Variants in ENPP6 observed in about 807,000 individuals in gnomAD.
ENPP6 encodes ectonucleotide pyrophosphatase/phosphodiesterase 6.
Under a neutral mutation model 42.0 loss-of-function variants are expected in ENPP6, and 32 were observed. The observed-to-expected ratio is 0.76, with a 90% CI of 0.58 to 1.02. The LOEUF (loss-of-function observed/expected upper bound fraction) is 1.02. Among genes scored for constraint, ENPP6 ranks in the 50% least tolerant of loss-of-function variants. The pLI, the probability that ENPP6 is intolerant of heterozygous loss-of-function variation, is 0.00. For missense variants in ENPP6, 552 were observed against 566.8 expected (o/e 0.97, Z 0.27); for synonymous variants, 213 against 216.0 (o/e 0.99, Z 0.12).
rs1264350570 is a variant in ENPP6, at chr4:184,209,007, A to T, written c.241+8572T>A. 2.2e-4 allele frequency among the ~76,000 whole-genome samples: 31 copies of T among 142,772 alleles called. 3 individuals carry two copies. Among genetic ancestry groups the T allele is most frequent in the Admixed American group, 1.2e-3 (17 of 14,014 alleles). 93.7% of individuals were successfully genotyped at this position (142,772 alleles called of 152,430 possible). ...ACCTCACACGGCAGGGTATTCCAACAGACCTGCAGCTGAGGGTCCTGTCTG... is the reference window on the plus strand; with the variant it reads ...ACCTCACACGGCAGGGTATTCCAACTGACCTGCAGCTGAGGGTCCTGTCTG... On this transcript the variant is annotated intron_variant, in intron 1 of 7. Coordinates refer to ENST00000296741, the MANE Select transcript of ENPP6 (RefSeq NM_153343.4).
At chr4:184,214,870 T>A (rs1019033028) in intron 1 of ENPP6, among the ~76,000 whole-genome samples, 1 of 151,942 alleles carries the variant, frequency 6.6e-6, no homozygotes, top group Non-Finnish European at 1.5e-5. Flanking sequence ...TTAGGACAAA[T>A]ACCTAACGCA....
At chr4:184,149,376 A>C (rs989856994) in intron 2 of ENPP6, among the ~76,000 whole-genome samples, 1 of 152,232 alleles carries the variant, frequency 6.6e-6, no homozygotes, top group African/African-American at 2.4e-5. Context: ...CATGCCTCCT[A>C]TTATCCAGAT....
intron 2 of ENPP6, among the ~76,000 whole-genome samples, chr4:184,147,387 T>C (rs1316152189): frequency 1.3e-5 from 2 of 152,208 alleles, no homozygotes; most frequent in Non-Finnish European, 2.9e-5. Context: ...CTCCATTCCA[T>C]TCAGGCTGCA....
At chr4:184,119,665 T>C (rs930585070) in intron 3 of ENPP6, among the ~76,000 whole-genome samples, 86 of 152,254 alleles carry the variant, frequency 5.6e-4, no homozygotes, top group Non-Finnish European at 1.2e-3. Flanking sequence ...AAATCTCATC[T>C]TGAATTGTAG....
At chr4:184,128,726 A>G (rs1736545340) in intron 2 of ENPP6, among the ~76,000 whole-genome samples, 1 of 152,230 alleles carries the variant, frequency 6.6e-6, no homozygotes, top group Admixed American at 6.5e-5. Flanking sequence ...GAATGTTAGT[A>G]TCAATAGGCT....
chr4:184,198,320 T>A (rs1732837964), intron 1 of ENPP6, among the ~76,000 whole-genome samples: 1 of 152,178 alleles, frequency 6.6e-6, no homozygotes, highest in South Asian at 2.1e-4. Context: ...CGGTCCACAC[T>A]CCACTGCCCC....
intron 1 of ENPP6, among the ~76,000 whole-genome samples, chr4:184,171,904 G>A (rs538302764): frequency 6.6e-6 from 1 of 152,300 alleles, no homozygotes; most frequent in Non-Finnish European, 1.5e-5. Context: ...GGAGAAGACA[G>A]ATCATGAACA....
chr4:184,116,209 C>T lies in ENPP6; in HGVS notation c.855+647G>A, dbSNP rs143581974. Among the ~76,000 whole-genome samples, 59 of 151,336 alleles carry T rather than the reference C, an allele frequency of 3.9e-4. No individual in the cohort carries two copies. The East Asian group carries it at 0.01, about 27-fold the overall frequency. On this transcript the variant is annotated intron_variant, in intron 5 of 7. Transcript: ENST00000296741. The stretch of plus-strand genomic sequence containing the variant: ...CTGCACTCCAGCCTGGGCGACAGAG[C>T]GAGACTCCGTCTCAAAAAACAAACA...
At chr4:184,106,833 G>A (rs981590369) in intron 6 of ENPP6, among the ~76,000 whole-genome samples, 5 of 152,196 alleles carry the variant, frequency 3.3e-5, no homozygotes, top group African/African-American at 7.2e-5. Context: ...CTCGTTGGCC[G>A]TCGCTGTAGT....
At chr4:184,160,305 A>C (rs2002830) in intron 1 of ENPP6, among the ~76,000 whole-genome samples, 61,422 of 151,710 alleles carry the variant, frequency 0.4, 12,767 homozygotes, top group East Asian at 0.59. Flanking sequence ...CACATCCAAC[A>C]AACATATATC....
At chr4:184,105,096 C>T (rs927407262) in intron 6 of ENPP6, among the ~76,000 whole-genome samples, 1 of 152,188 alleles carries the variant, frequency 6.6e-6, no homozygotes. Context: ...AGCACGGTTA[C>T]CCCTCCCTGA....
At chr4:184,190,493 G>T (rs776648935) in intron 1 of ENPP6, among the ~76,000 whole-genome samples, 1 of 152,174 alleles carries the variant, frequency 6.6e-6, no homozygotes, top group Non-Finnish European at 1.5e-5. Context: ...TATCACCCTT[G>T]ATAGATTGGC....
At chr4:184,113,341 C>T (rs1432157121) in intron 5 of ENPP6, among the ~76,000 whole-genome samples, 1 of 152,022 alleles carries the variant, frequency 6.6e-6, no homozygotes, top group African/African-American at 2.4e-5. Context: ...CAAAACTAAA[C>T]AGCATATATG....
intron 2 of ENPP6, among the ~76,000 whole-genome samples, chr4:184,131,259 T>TTTCTCTTTCTTTC (rs1553996065): frequency 2.7e-5 from 2 of 73,280 alleles, no homozygotes; most frequent in South Asian, 4.8e-4. Flanking sequence ...TTTCTCTTTC[T>TTTCTCTTTCTTTC]CTTCCTTCCT....
At chr4:184,122,090 G>A (rs1307734645) in intron 3 of ENPP6, among the ~76,000 whole-genome samples, 2 of 152,090 alleles carry the variant, frequency 1.3e-5, no homozygotes, top group African/African-American at 4.8e-5. Flanking sequence ...TACCCAAAGG[G>A]GCTGTTTCTG....
intron 1 of ENPP6, among the ~76,000 whole-genome samples, chr4:184,161,423 C>T (rs1432725206): frequency 6.6e-6 from 1 of 152,134 alleles, no homozygotes; most frequent in Non-Finnish European, 1.5e-5. Context: ...AACACTTTTA[C>T]ACTGTTGGTG....
At chr4:184,197,307 A>G (rs1270774397) in intron 1 of ENPP6, among the ~76,000 whole-genome samples, 1 of 152,118 alleles carries the variant, frequency 6.6e-6, no homozygotes, top group Non-Finnish European at 1.5e-5. Context: ...TTTGAATCTC[A>G]TCTCCATCTC....
At chr4:184,207,746 C>G (rs1459224252) in intron 1 of ENPP6, among the ~76,000 whole-genome samples, 1 of 152,198 alleles carries the variant, frequency 6.6e-6, no homozygotes, top group Non-Finnish European at 1.5e-5. Context: ...TGGGGCCCTA[C>G]TCCCTATTCT....
intron 4 of ENPP6, among the ~76,000 whole-genome samples, 157 bp from the exon 5 acceptor site, chr4:184,117,192 C>A (rs955463717): frequency 6.6e-6 from 1 of 152,208 alleles, no homozygotes. Flanking sequence ...TTCAAAACCA[C>A]AACAGAAGCC....
Sources: allele counts gnomAD v4.1 joint callset (sites outside exome capture counted in the v4.1 genomes callset), GRCh38; gene constraint gnomAD v4.1.1; transcripts MANE v1.5; gene names NCBI Gene and HGNC (gene_info 2026-07-23, HGNC 2026-07-21).